Variants in DOCK1 observed in about 807,000 individuals in gnomAD.
DOCK1 encodes the protein dedicator of cytokinesis 1.
Under a neutral mutation model 262.7 loss-of-function variants are expected in DOCK1, and 138 were observed. The ratio of observed to expected loss-of-function variants is 0.53; its 90% CI spans 0.46 to 0.61. The LOEUF (loss-of-function observed/expected upper bound fraction) is 0.61, where lower values mean the gene tolerates loss of function less well. DOCK1 is among the 20% of genes least tolerant of loss of function. The pLI, the probability that DOCK1 is intolerant of heterozygous loss-of-function variation, is 0.00. For missense variants in DOCK1, 1,908 were observed against 2,370.7 expected (o/e 0.80, Z 4.05); for synonymous variants, 866 against 867.4 (o/e 1.00, Z 0.03).
At chr10:127,381,811 G>A (rs764510689) in intron 37 of DOCK1, among the ~76,000 whole-genome samples, 4 of 152,220 alleles carry the variant, frequency 2.6e-5, no homozygotes, top group South Asian at 2.1e-4. Context: ...ATCAGTTCAC[G>A]TTGAGACCTC....
At chr10:127,430,573 C>A (rs1332585648) in intron 47 of DOCK1, among the ~76,000 whole-genome samples, 1 of 152,110 alleles carries the variant, frequency 6.6e-6, no homozygotes, top group Non-Finnish European at 1.5e-5. Context: ...CTCGCACCCT[C>A]CCTGCTGGGC....
chr10:127,009,484 G>A (rs553817276), intron 11 of DOCK1, among the ~76,000 whole-genome samples: 22 of 152,200 alleles, frequency 1.4e-4, no homozygotes, highest in African/African-American at 3.4e-4. Context: ...GATGATGGTC[G>A]TTGGCCACTT....
In DOCK1 at chr10:127,437,052, C is replaced by T. The variant is rs1240803879; in HGVS notation, c.5061-1975C>T. 6.6e-6 allele frequency among the ~76,000 whole-genome samples: 1 copy of T among 152,142 alleles called. No individual in the cohort carries two copies. Among genetic ancestry groups the T allele is most frequent in the African/African-American group, 2.4e-5 (1 of 41,420 alleles). On this transcript the variant is annotated intron_variant, in intron 48 of 51. Transcript: ENST00000623213. The surrounding 1 kb of genome is among the most constrained non-coding windows in gnomAD (Gnocchi z 4.4). ...CTATCGCATTGTTTAATTCGCGTCTCGATTCTCCATATTCCCTGCATATTG... is the reference window on the plus strand; with the variant it reads ...CTATCGCATTGTTTAATTCGCGTCTTGATTCTCCATATTCCCTGCATATTG...
chr10:127,383,455 T>G (rs898679866), intron 37 of DOCK1, among the ~76,000 whole-genome samples: 4 of 152,226 alleles, frequency 2.6e-5, no homozygotes, highest in Non-Finnish European at 4.4e-5. Flanking sequence ...AACTTCAAAG[T>G]TAAAGAGTTT....
At chr10:127,011,784 ATT>A (rs201758444) in intron 11 of DOCK1, among the ~76,000 whole-genome samples, 1 of 146,646 alleles carries the variant, frequency 6.8e-6, no homozygotes, top group East Asian at 2.0e-4. Context: ...GGTTCCAGGG[ATT>A]TTTTTTTTTT....
chr10:127,307,943 C>T (rs918383305), intron 29 of DOCK1, among the ~76,000 whole-genome samples: 2 of 152,192 alleles, frequency 1.3e-5, no homozygotes, highest in Admixed American at 1.3e-4. Flanking sequence ...CTGTGGCTGT[C>T]CCAGCAAGTG....
intron 27 of DOCK1, among the ~76,000 whole-genome samples, chr10:127,161,214 G>A (rs899274452): frequency 5.3e-5 from 8 of 152,136 alleles, no homozygotes; most frequent in Admixed American, 2.0e-4. Flanking sequence ...TCATGGAAAC[G>A]CAAGTACATT....
At chr10:127,144,855 C>G (rs1052359448) in intron 27 of DOCK1, among the ~76,000 whole-genome samples, 9 of 152,166 alleles carry the variant, frequency 5.9e-5, no homozygotes, top group African/African-American at 1.9e-4. Context: ...GCTTCAAATA[C>G]CAGAATAAAT....
intron 13 of DOCK1, among the ~76,000 whole-genome samples, chr10:127,022,713 A>G (rs2042527705): frequency 6.6e-6 from 1 of 152,212 alleles, no homozygotes; most frequent in East Asian, 1.9e-4. Flanking sequence ...ATTCTTAATC[A>G]ACTTTTAGTT....
intron 22 of DOCK1, among the ~76,000 whole-genome samples, chr10:127,053,074 C>T (rs2044855103): frequency 6.6e-6 from 1 of 152,220 alleles, no homozygotes; most frequent in Admixed American, 6.5e-5. Context: ...CGAGCCTTGG[C>T]TCCTGAAAGC....
At chr10:127,093,219 T>TTTCTTTCTTTCTTTCTTTCTTTC (rs149382008) in intron 23 of DOCK1, among the ~76,000 whole-genome samples, 232 of 62,842 alleles carry the variant, frequency 3.7e-3, no homozygotes, top group African/African-American at 9.9e-3. Flanking sequence ...TCTTTCTTTC[T>TTTCTTTCTTTCTTTCTTTCTTTC]TTTCTTTCTT....
intron 13 of DOCK1, among the ~76,000 whole-genome samples, chr10:127,020,734 G>T (rs903724320): frequency 2.6e-5 from 4 of 152,108 alleles, no homozygotes; most frequent in Non-Finnish European, 5.9e-5. Flanking sequence ...TTCTCTGTTG[G>T]CCGAGTAATC....
chr10:127,384,891 C>G lies in DOCK1; in HGVS notation c.3909C>G (p.His1303Gln). ...LKEQLYQEII[H>Q]YFDKGKMWEE... Reference sequence around the variant, plus strand: ...AGCAGCTCTACCAGGAAATCATCCACTACTTCGACAAAGGCAAGGTAAAAC... The same window carrying G: ...AGCAGCTCTACCAGGAAATCATCCAGTACTTCGACAAAGGCAAGGTAAAAC... Residue 1303 changes from histidine to glutamine, a missense_variant, in exon 38 of 52, where the codon CAC (histidine) becomes CAG (glutamine). This residue lies in a region of DOCK1 where 267 missense variants were observed against 366.3 expected (regional missense o/e 0.73). Transcript: ENST00000623213. 6.2e-7 allele frequency: 1 copy of G among 1,602,614 alleles called. No individual in the cohort carries two copies.
chr10:127,235,441 C>T (rs2059012295), intron 27 of DOCK1, among the ~76,000 whole-genome samples: 1 of 152,124 alleles, frequency 6.6e-6, no homozygotes. Flanking sequence ...TGGAGATTCA[C>T]TCATGTTTAT....
At chr10:127,030,941 C>T (rs1167263685) in intron 16 of DOCK1, among the ~76,000 whole-genome samples, 2 of 152,074 alleles carry the variant, frequency 1.3e-5, no homozygotes, top group African/African-American at 2.4e-5. Context: ...GACTAATGGG[C>T]TATTTTAGAC....
chr10:127,233,163 A>G lies in DOCK1; in HGVS notation c.2848-14845A>G, dbSNP rs1179981597. ...ATTTTGTTCAAGGAGATTAATCTCT[A>G]TAAACCAATGTTTTGTATTCCCTAA... On this transcript the variant is annotated intron_variant, in intron 27 of 51. Coordinates refer to ENST00000623213, the MANE Select transcript of DOCK1 (RefSeq NM_001290223.2). 5.9e-5 allele frequency among the ~76,000 whole-genome samples: 9 copies of G among 152,238 alleles called. No individual in the cohort carries two copies. In the East Asian group the frequency reaches 1.7e-3, roughly 29 times the overall value.
chr10:127,061,848 A>T (rs2045551412), intron 23 of DOCK1, 72 bp downstream of exon 23: 5 of 1,174,802 alleles, frequency 4.3e-6, no homozygotes, highest in South Asian at 1.6e-5. Context: ...GGAGGTAGGT[A>T]TTTTGATTAC....
chr10:127,079,204 T>G (rs529403182), intron 23 of DOCK1, among the ~76,000 whole-genome samples: 5 of 152,248 alleles, frequency 3.3e-5, no homozygotes, highest in African/African-American at 4.8e-5. Flanking sequence ...ACCGGTGGTG[T>G]TGGGTATATT....
chr10:126,950,171 C>G (rs952287010), intron 1 of DOCK1, among the ~76,000 whole-genome samples: 34 of 152,050 alleles, frequency 2.2e-4, no homozygotes, highest in African/African-American at 8.0e-4. Flanking sequence ...AGTGGCTGTT[C>G]CATGGTAAGG....
Sources: gnomAD v4.1 joint callset for allele counts (sites outside exome capture counted in the v4.1 genomes callset) on GRCh38, gnomAD v4.1.1 for gene constraint, gnomAD v4.1.1 regional missense constraint, Gnocchi (gnomAD v3.1) non-coding constraint, MANE v1.5 for transcripts, NCBI Gene and HGNC (gene_info 2026-07-23, HGNC 2026-07-21) for gene names.